The following PARG variants were observed in gnomAD, a reference collection of about 807,000 sequenced individuals.
PARG encodes poly(ADP-ribose) glycohydrolase.
A neutral mutation model predicts 113.0 loss-of-function variants in PARG; 35 were observed. That is an observed-to-expected ratio of 0.31 (90% CI 0.24 to 0.41). The LOEUF is 0.41. PARG is among the 10% of genes least tolerant of loss of function. The pLI, the probability that PARG is intolerant of heterozygous loss-of-function variation, is 1.00. For synonymous variants in PARG, 330 were observed against 409.9 expected, an observed-to-expected ratio of 0.81 and a Z score of 2.36; for missense variants, 797 against 1,169.4, an observed-to-expected ratio of 0.68 and a Z score of 4.64.
rs370694592 is a variant in PARG, at chr10:49,897,198, C to A, written c.1738-11903G>T. Among the ~76,000 whole-genome samples the A allele has an allele frequency of 3.9e-5, 6 of 152,062 alleles. No individual in the cohort carries two copies. In the East Asian group the frequency reaches 5.9e-4, roughly 15 times the overall value. On this transcript the variant is annotated intron_variant, in intron 7 of 17. Coordinates refer to ENST00000616448, the MANE Select transcript of PARG (RefSeq NM_003631.5). ...TTAAATACTATGATCAAATCACAAC[C>A]TTTTGAACCTATTTTCTTACTTATA...
chr10:49,912,621 T>C (rs370002108), intron 7 of PARG, among the ~76,000 whole-genome samples: 639 of 151,320 alleles, frequency 4.2e-3, no homozygotes, highest in East Asian at 0.016. Flanking sequence ...CGAGATTACA[T>C]CACTGCATTC....
At chr10:49,920,723 C>T (rs2132886601) in intron 6 of PARG, among the ~76,000 whole-genome samples, 1 of 151,142 alleles carries the variant, frequency 6.6e-6, no homozygotes, top group East Asian at 1.9e-4. Context: ...ACTAAGCAAA[C>T]TCTAGCAGAA....
chr10:49,919,192 C>T (rs1837664715), intron 6 of PARG, among the ~76,000 whole-genome samples: 4 of 152,164 alleles, frequency 2.6e-5, no homozygotes, highest in Admixed American at 6.5e-5. Flanking sequence ...CTGCCTGCCT[C>T]GGCCTCCCAA....
chr10:49,852,634 G>A lies in PARG; in HGVS notation c.2353+4672C>T, dbSNP rs1434084289. 1.3e-4 allele frequency among the ~76,000 whole-genome samples: 19 copies of A among 148,440 alleles called. No individual in the cohort carries two copies. In the East Asian group the frequency reaches 1.6e-3, roughly 12 times the overall value. ...GGCTGGAGTGCAGTGGCACAATCCC[G>A]GCTCACTGTAACCTCTGCCTCCCAC... On this transcript the variant is annotated intron_variant, in intron 13 of 17. Coordinates refer to ENST00000616448, the MANE Select transcript of PARG (RefSeq NM_003631.5).
chr10:49,933,106 T>C (rs1376507872), intron 3 of PARG, 71 bp downstream of exon 3: 7 of 1,137,710 alleles, frequency 6.2e-6, no homozygotes, highest in Non-Finnish European at 9.0e-6. Flanking sequence ...AAATCACAGC[T>C]TCGTTAAACT....
intron 7 of PARG, among the ~76,000 whole-genome samples, chr10:49,914,270 A>G (rs1366471688): frequency 2.0e-5 from 3 of 152,378 alleles, no homozygotes; most frequent in East Asian, 1.9e-4. Context: ...GAAAGTTACA[A>G]TACAAATGTT....
In PARG at chr10:49,843,578, C is replaced by T. The variant is rs1339470356; in HGVS notation, c.2408G>A (p.Arg803Gln). The part of the protein sequence containing the change: ...TGYAETYRWS[R>Q]SHEDGSERDD... Reference sequence around the variant, plus strand: ...CCTTTCACTCCCATCTTCGTGGCTCCGGGACCAACGATATGTCTCAGCATA... The same window carrying T: ...CCTTTCACTCCCATCTTCGTGGCTCTGGGACCAACGATATGTCTCAGCATA... Residue 803 changes from arginine (R) to glutamine (Q), a missense_variant, in exon 14 of 18, where the codon CGG (arginine) becomes CAG (glutamine). Physicochemically the swap from Arg to Gln is conservative, Grantham distance 43. This residue lies in a region of PARG where 194 missense variants were observed against 247.1 expected (regional missense o/e 0.79). Coordinates refer to ENST00000616448, the MANE Select transcript of PARG (RefSeq NM_003631.5). 1.7e-5 allele frequency: 26 copies of T among 1,550,652 alleles called. No individual in the cohort carries two copies. The highest frequency in any genetic ancestry group is 7.8e-5 in the Admixed American group (4 of 50,978).
At chr10:49,899,060 A>C (rs1848233019) in intron 7 of PARG, among the ~76,000 whole-genome samples, 1 of 152,228 alleles carries the variant, frequency 6.6e-6, no homozygotes, top group South Asian at 2.1e-4. Context: ...ATTAACTGAC[A>C]CTTTCTATCT....
chr10:49,847,962 T>C (rs1239599790), intron 13 of PARG, among the ~76,000 whole-genome samples: 1 of 150,596 alleles, frequency 6.6e-6, no homozygotes, highest in Non-Finnish European at 1.5e-5. Context: ...CTTACAACTT[T>C]TCTGTGAATC....
intron 4 of PARG, among the ~76,000 whole-genome samples, chr10:49,927,423 A>AAGAAAGAAAGAAAAG (rs1564664988): frequency 4.6e-5 from 7 of 150,952 alleles, no homozygotes; most frequent in African/African-American, 1.7e-4. Flanking sequence ...AGAAAGAAAA[A>AAGAAAGAAAGAAAAG]TAAACCTGTG....
chr10:49,908,934 C>T (rs1837012229), intron 7 of PARG, among the ~76,000 whole-genome samples: 2 of 152,120 alleles, frequency 1.3e-5, no homozygotes, highest in Non-Finnish European at 2.9e-5. Context: ...AAAGCACTAA[C>T]CCTCCATGAA....
At chr10:49,891,192 T>C (rs1554841412) in intron 7 of PARG, among the ~76,000 whole-genome samples, 2 of 152,206 alleles carry the variant, frequency 1.3e-5, no homozygotes, top group Non-Finnish European at 2.9e-5. Flanking sequence ...CACATGCCTG[T>C]GGTCCCAGTT....
chr10:49,848,708 G>A (rs1187055896), intron 13 of PARG, among the ~76,000 whole-genome samples: 1 of 151,872 alleles, frequency 6.6e-6, no homozygotes, highest in Non-Finnish European at 1.5e-5. Flanking sequence ...TTAACATATT[G>A]AATTGTAATC....
At position 49,898,941 on chromosome 10, in the gene PARG, G is replaced by T. The variant is rs553911228; in HGVS notation, c.1738-13646C>A. On this transcript the variant is annotated intron_variant, in intron 7 of 17. Coordinates refer to ENST00000616448, the MANE Select transcript of PARG (RefSeq NM_003631.5). ...CTGCTTTCTGTTGTTATTTATGAACGTGCATTCTAGCCCTTACTAGAAGCT... is the reference window on the plus strand; with the variant it reads ...CTGCTTTCTGTTGTTATTTATGAACTTGCATTCTAGCCCTTACTAGAAGCT... Among the ~76,000 whole-genome samples the T allele has an allele frequency of 8.5e-5, 13 of 152,126 alleles. No individual in the cohort carries two copies. The South Asian group carries it at 2.7e-3, about 32-fold the overall frequency.
chr10:49,879,071 T>C (rs1167968602), intron 9 of PARG, among the ~76,000 whole-genome samples: 1 of 152,202 alleles, frequency 6.6e-6, no homozygotes. Context: ...ACTTTATCAA[T>C]ACCTTCACAC....
At chr10:49,878,623 T>TA (rs554723081) in intron 9 of PARG, among the ~76,000 whole-genome samples, 35,831 of 132,766 alleles carry the variant, frequency 0.27, 4,698 homozygotes, top group Non-Finnish European at 0.33. Context: ...GTCTTAAAAT[T>TA]AAAAAAAAAA....
At chr10:49,891,770 C>T (rs1207787016) in intron 7 of PARG, among the ~76,000 whole-genome samples, 3 of 150,774 alleles carry the variant, frequency 2.0e-5, no homozygotes, top group African/African-American at 2.4e-5. Flanking sequence ...GATGAGACTA[C>T]AGGCACACAC....
chr10:49,880,943 T>C (rs1847184489), intron 8 of PARG, among the ~76,000 whole-genome samples: 1 of 152,252 alleles, frequency 6.6e-6, no homozygotes. Context: ...AAGCTGTCTG[T>C]TGGGAAAATG....
intron 15 of PARG, among the ~76,000 whole-genome samples, chr10:49,840,809 AG>A (rs1845193636): frequency 6.6e-6 from 1 of 152,254 alleles, no homozygotes; most frequent in South Asian, 2.1e-4. Context: ...AAGTCTGTGT[AG>A]GAACTGGCAC....
Sources: allele counts gnomAD v4.1 joint callset (sites outside exome capture counted in the v4.1 genomes callset), GRCh38; gene constraint gnomAD v4.1.1; regional missense constraint gnomAD v4.1.1; transcripts MANE v1.5; gene names NCBI Gene and HGNC (gene_info 2026-07-23, HGNC 2026-07-21).